The following PCDHA12 variants were observed in gnomAD, a reference collection of about 807,000 sequenced individuals.
The protein encoded by PCDHA12 is protocadherin alpha-12.
PCDHA12 carries 44 observed loss-of-function variants against 60.0 expected under a neutral mutation model. The observed-to-expected ratio is 0.73, with a 90% CI of 0.58 to 0.94. The LOEUF (loss-of-function observed/expected upper bound fraction) is 0.94. Ranked by LOEUF, PCDHA12 falls within the 40% of genes least tolerant of loss-of-function variation. The pLI is 0.00. For synonymous variants in PCDHA12, 569 were observed against 553.0 expected (o/e 1.03, Z -0.40); for missense variants, 1,276 against 1,239.7 (o/e 1.03, Z -0.44).
At chr5:140,954,214 T>C (rs1186171676) in intron 1 of PCDHA12, among the ~76,000 whole-genome samples, 1 of 152,254 alleles carries the variant, frequency 6.6e-6, no homozygotes, top group African/African-American at 2.4e-5. Flanking sequence ...TCCCATGTTT[T>C]TGCTATTGTG....
At chr5:140,910,013 C>T (rs185824848) in intron 1 of PCDHA12, among the ~76,000 whole-genome samples, 4 of 152,256 alleles carry the variant, frequency 2.6e-5, no homozygotes, top group Non-Finnish European at 1.5e-5. Context: ...CAGTGTCATC[C>T]TTGTATCCCT....
At chr5:140,970,650 ATTG>A (rs2096422935) in intron 1 of PCDHA12, among the ~76,000 whole-genome samples, 1 of 152,200 alleles carries the variant, frequency 6.6e-6, no homozygotes, top group South Asian at 2.1e-4. Flanking sequence ...ATAGTGATGA[ATTG>A]TTATCTTTCC....
At chr5:140,958,667 TA>T (rs1310790364) in intron 1 of PCDHA12, among the ~76,000 whole-genome samples, 1 of 152,186 alleles carries the variant, frequency 6.6e-6, no homozygotes, top group African/African-American at 2.4e-5. Context: ...GATGAAATTT[TA>T]ATTATAAAGG....
intron 1 of PCDHA12, among the ~76,000 whole-genome samples, chr5:140,951,495 G>A (rs1554219919): frequency 1.3e-5 from 2 of 151,958 alleles, no homozygotes; most frequent in African/African-American, 4.8e-5. Context: ...ATGGTGGAAG[G>A]CAAAAGGAAA....
At chr5:140,888,834 C>T (rs2061995964) in intron 1 of PCDHA12, among the ~76,000 whole-genome samples, 1 of 152,080 alleles carries the variant, frequency 6.6e-6, no homozygotes, top group Non-Finnish European at 1.5e-5. Context: ...CATCACTCCA[C>T]TGCAGCCTGG....
chr5:141,006,346 G>C (rs2098268580), intron 3 of PCDHA12, among the ~76,000 whole-genome samples: 1 of 151,806 alleles, frequency 6.6e-6, no homozygotes, highest in South Asian at 2.1e-4. Context: ...TGAGTAGCTG[G>C]GACTATAGGC....
intron 1 of PCDHA12, among the ~76,000 whole-genome samples, chr5:140,923,810 T>C (rs1433569913): frequency 6.6e-6 from 1 of 152,202 alleles, no homozygotes; most frequent in Non-Finnish European, 1.5e-5. Flanking sequence ...TGAAATCTTC[T>C]GAAAATAGAC....
At chr5:140,993,218 T>C (rs534348907) in intron 3 of PCDHA12, among the ~76,000 whole-genome samples, 1 of 152,330 alleles carries the variant, frequency 6.6e-6, no homozygotes, top group East Asian at 1.9e-4. Flanking sequence ...TTTAGCTTTT[T>C]GGTATGTTCT....
intron 1 of PCDHA12, among the ~76,000 whole-genome samples, chr5:140,889,953 A>G (rs2062443064): frequency 6.6e-6 from 1 of 152,214 alleles, no homozygotes; most frequent in Non-Finnish European, 1.5e-5. Context: ...AGCCAAATGG[A>G]TAGAAAAATT....
At chr5:140,895,525 T>G (rs1172545825) in intron 1 of PCDHA12, among the ~76,000 whole-genome samples, 1 of 152,196 alleles carries the variant, frequency 6.6e-6, no homozygotes, top group Non-Finnish European at 1.5e-5. Context: ...GGTTTATTCG[T>G]TTTTCAATTG....
chr5:140,963,386 A>G (rs189164274), intron 1 of PCDHA12, among the ~76,000 whole-genome samples: 2 of 152,344 alleles, frequency 1.3e-5, no homozygotes, highest in Admixed American at 1.3e-4. Flanking sequence ...CTCTGTGCCA[A>G]GCTCCCTACT....
chr5:140,948,558 G>A (rs2094272533), intron 1 of PCDHA12, among the ~76,000 whole-genome samples: 2 of 151,514 alleles, frequency 1.3e-5, no homozygotes, highest in Admixed American at 1.3e-4. Flanking sequence ...ATTTTGTTAA[G>A]TTGTATTTTT....
At chr5:140,928,065 T>G in intron 1 of PCDHA12, 20 of 1,614,198 alleles carry the variant, frequency 1.2e-5, no homozygotes, top group Non-Finnish European at 1.6e-5. Context: ...CGGCTTCCTT[T>G]GACAACTACT....
intron 1 of PCDHA12, among the ~76,000 whole-genome samples, chr5:140,916,482 G>C (rs2077584456): frequency 6.6e-6 from 1 of 152,194 alleles, no homozygotes; most frequent in African/African-American, 2.4e-5. Context: ...GTGCCCAAGG[G>C]CTCTTTAGTC....
At chr5:140,930,184 G>A (rs2153603505) in intron 1 of PCDHA12, 1 of 152,258 alleles carries the variant, frequency 6.6e-6, no homozygotes, top group South Asian at 2.1e-4. Context: ...GGAAAGATGA[G>A]TAATTTTTAT....
intron 1 of PCDHA12, among the ~76,000 whole-genome samples, chr5:140,941,214 C>CTTTTT (rs1554214039): frequency 1.2e-4 from 15 of 122,492 alleles, no homozygotes; most frequent in African/African-American, 4.3e-4. Context: ...TTTCTTTCTT[C>CTTTTT]CTTTCTTTCT....
At chr5:140,930,245 C>T (rs1355884137) in intron 1 of PCDHA12, 2 of 152,164 alleles carry the variant, frequency 1.3e-5, no homozygotes, top group African/African-American at 4.8e-5. Flanking sequence ...AAAGTCCATT[C>T]AACTTGGATT....
chr5:140,879,740 T>G (rs1337276853), intron 1 of PCDHA12, among the ~76,000 whole-genome samples: 1 of 152,200 alleles, frequency 6.6e-6, no homozygotes, highest in East Asian at 1.9e-4. Flanking sequence ...ATCAAGGTGT[T>G]GTCAAGGCTA....
intron 1 of PCDHA12, among the ~76,000 whole-genome samples, chr5:140,906,628 G>A (rs976764797): frequency 2.0e-5 from 3 of 152,180 alleles, no homozygotes; most frequent in African/African-American, 7.2e-5. Context: ...CCTTCAGCAA[G>A]CACCTCAGCA....
Sources: allele counts gnomAD v4.1 joint callset (sites outside exome capture counted in the v4.1 genomes callset), GRCh38; gene constraint gnomAD v4.1.1; transcripts MANE v1.5; gene names NCBI Gene and HGNC (gene_info 2026-07-23, HGNC 2026-07-21).